Variants in OGG1 observed in about 807,000 individuals in gnomAD.
OGG1 encodes N-glycosylase/DNA lyase.
OGG1 carries 35 observed loss-of-function variants against 42.3 expected under a neutral mutation model. The ratio of observed to expected loss-of-function variants is 0.83; its 90% CI spans 0.63 to 1.10. The LOEUF (loss-of-function observed/expected upper bound fraction) is 1.10. OGG1 is among the 50% of genes least tolerant of loss of function. The pLI, the probability that OGG1 is intolerant of heterozygous loss-of-function variation, is 0.00. For synonymous variants in OGG1, 189 were observed against 179.0 expected (o/e 1.06, Z -0.44); for missense variants, 484 against 446.7 (o/e 1.08, Z -0.75).
chr3:9,780,290 AAAG>A (rs1475535540), intron 2 of OGG1: 17 of 1,508,580 alleles, frequency 1.1e-5, no homozygotes, highest in African/African-American at 4.2e-5. Flanking sequence ...TCCTGTGCCC[AAAG>A]AAGGAAGTGG....
chr3:9,775,195 TGCCACTGCA>T (rs2078349683), intron 2 of OGG1, among the ~76,000 whole-genome samples: 1 of 151,846 alleles, frequency 6.6e-6, no homozygotes, highest in Non-Finnish European at 1.5e-5. Context: ...ATTTAGATTA[TGCCACTGCA>T]CTCCAGCCTG....
intron 2 of OGG1, among the ~76,000 whole-genome samples, chr3:9,773,709 T>G (rs1190339668): frequency 6.6e-6 from 1 of 151,940 alleles, no homozygotes. Context: ...TATTATTTTT[T>G]TGAGACAGGG....
At chr3:9,767,374 G>A (rs1418235336), downstream of OGG1, among the ~76,000 whole-genome samples, 1 of 152,218 alleles carries the variant, frequency 6.6e-6, no homozygotes, top group Non-Finnish European at 1.5e-5. Context: ...TCCAGCCTCA[G>A]TTCCCAAACC....
chr3:9,783,834 C>T (rs1229816982), intron 3 of OGG1: 11 of 1,014,152 alleles, frequency 1.1e-5, no homozygotes, highest in Non-Finnish European at 5.4e-6. Context: ...GATGCCTGAG[C>T]CCCACTCTGT....
downstream of OGG1, chr3:9,766,883 A>T (rs1317972124): frequency 6.3e-6 from 1 of 158,202 alleles, no homozygotes; most frequent in East Asian, 1.9e-4. Flanking sequence ...CCTGCCAAAA[A>T]GTCTTAAGTG....
chr3:9,761,446 C>G, downstream of OGG1: 2 of 1,604,460 alleles, frequency 1.2e-6, no homozygotes, highest in Non-Finnish European at 1.7e-6. Flanking sequence ...CCTACCATGG[C>G]CAAGCCCCAC....
intron 7 of OGG1, among the ~76,000 whole-genome samples, chr3:9,763,760 C>T (rs553191366): frequency 1.8e-4 from 28 of 152,134 alleles, no homozygotes; most frequent in African/African-American, 6.7e-4. Context: ...CCAAGGCAGG[C>T]GGATCACTTG....
intron 2 of OGG1, among the ~76,000 whole-genome samples, chr3:9,773,624 TTTC>T (rs1010232489): frequency 5.1e-5 from 7 of 138,118 alleles, no homozygotes; most frequent in East Asian, 2.4e-4. Flanking sequence ...GGGATGATCT[TTTC>T]TTCTTTTTTT....
At chr3:9,790,847 C>T (rs1019134600), downstream of OGG1, among the ~76,000 whole-genome samples, 1 of 152,152 alleles carries the variant, frequency 6.6e-6, no homozygotes, top group East Asian at 1.9e-4. Flanking sequence ...TGCTAGCAAG[C>T]GCTTATGCCA....
Position 9,756,823 on chromosome 3 carries a change from G to A in OGG1, c.948+7G>A, listed in dbSNP as rs756363791. On this transcript the variant is annotated splice_region_variant and intron_variant, in intron 6 of 6. Coordinates refer to ENST00000344629, the MANE Select transcript of OGG1 (RefSeq NM_002542.6). ...TGCTGGCTGGGCCCAAGCGGTGAGT[G>A]TACCTAGGTGTCCTCCCTAGGTTTC... is the stretch of plus-strand genomic sequence containing the variant. 4.3e-6 allele frequency: 7 copies of A among 1,613,780 alleles called. No individual in the cohort carries two copies. In the Admixed American group the frequency reaches 8.3e-5, roughly 19 times the overall value.
chr3:9,786,061 C>A lies in OGG1; in HGVS notation c.383-1667C>A, dbSNP rs138839831. ...TCATGCCATTCTCCTGCCTCAGCCT[C>A]CCAAGTAGTTGGGACTACAGGCGCC... On this transcript the variant is annotated intron_variant, in intron 3 of 3. Coordinates refer to the OGG1 transcript ENST00000426518. Among the ~76,000 whole-genome samples the A allele has an allele frequency of 6.9e-4, 105 of 152,208 alleles. No homozygotes were observed. The East Asian group carries it at 0.02, about 29-fold the overall frequency.
chr3:9,759,706 T>G, downstream of OGG1: 3 of 1,614,160 alleles, frequency 1.9e-6, no homozygotes, highest in Non-Finnish European at 2.5e-6. Context: ...CAGGTGAATC[T>G]TTTCTCTGGG....
chr3:9,775,691 G>A (rs1169270423), intron 2 of OGG1, among the ~76,000 whole-genome samples: 1 of 151,394 alleles, frequency 6.6e-6, no homozygotes, highest in Non-Finnish European at 1.5e-5. Context: ...CCAGGCTTGA[G>A]TGCAGTGGTG....
chr3:9,786,412 C>T (rs1223026916), intron 3 of OGG1, among the ~76,000 whole-genome samples: 2 of 152,132 alleles, frequency 1.3e-5, no homozygotes, highest in Non-Finnish European at 2.9e-5. Context: ...ATGAGATAAA[C>T]TCTTGTGTTT....
At chr3:9,772,854 C>T (rs1159201257) in intron 2 of OGG1, among the ~76,000 whole-genome samples, 1 of 152,176 alleles carries the variant, frequency 6.6e-6, no homozygotes, top group Non-Finnish European at 1.5e-5. Flanking sequence ...CCAGAGACAA[C>T]CAGTGTTCAC....
At chr3:9,772,341 C>G (rs536500387) in intron 2 of OGG1, among the ~76,000 whole-genome samples, 1 of 152,290 alleles carries the variant, frequency 6.6e-6, no homozygotes, top group Admixed American at 6.5e-5. Flanking sequence ...AGAATGCCAA[C>G]CTAAACCAGC....
intron 7 of OGG1, chr3:9,763,207 C>T: frequency 6.2e-7 from 1 of 1,613,802 alleles, no homozygotes; most frequent in Non-Finnish European, 8.5e-7. Context: ...TGTTGGGGTG[C>T]TTGATCCTGA....
intron 3 of OGG1, among the ~76,000 whole-genome samples, 196 bp from the exon 4 acceptor site, chr3:9,754,508 A>T (rs866244577): frequency 1.4e-4 from 22 of 152,294 alleles, no homozygotes; most frequent in Middle Eastern, 3.4e-3. Context: ...TGCTCAGAAA[A>T]CATGTGTAGA....
At chr3:9,754,620 T>G in intron 3 of OGG1, 84 bp from the exon 4 acceptor site, 9 of 1,450,002 alleles carry the variant, frequency 6.2e-6, no homozygotes, top group Non-Finnish European at 8.6e-6. Context: ...AGCACTCTTG[T>G]GAGGTAGAGA....
Sources: gnomAD v4.1 joint callset for allele counts (sites outside exome capture counted in the v4.1 genomes callset) on GRCh38, gnomAD v4.1.1 for gene constraint, MANE v1.5 for transcripts, NCBI Gene and HGNC (gene_info 2026-07-23, HGNC 2026-07-21) for gene names.